The following GARRE1 variants were observed in gnomAD, a reference collection of about 807,000 sequenced individuals.
GARRE1 encodes the protein granule associated Rac and RHOG effector 1.
In GARRE1, 49 loss-of-function variants were observed where a neutral mutation model predicts 103.2. The ratio of observed to expected loss-of-function variants is 0.47; its 90% CI spans 0.38 to 0.60. GARRE1 has a LOEUF of 0.60. Among genes scored for constraint, GARRE1 ranks in the 20% least tolerant of loss-of-function variants. The pLI, the probability that GARRE1 is intolerant of heterozygous loss-of-function variation, is 0.00. For synonymous variants in GARRE1, 505 were observed against 532.8 expected, an observed-to-expected ratio of 0.95 and a Z score of 0.72; for missense variants, 1,199 against 1,370.5, an observed-to-expected ratio of 0.87 and a Z score of 1.98.
chr19:34,327,386 C>G (rs2074116456), intron 3 of GARRE1, 35 bp from the exon 4 acceptor site: 2 of 1,606,348 alleles, frequency 1.2e-6, no homozygotes, highest in African/African-American at 2.7e-5. Context: ...ACTGTACCAC[C>G]CTCTTTTACC....
intron 2 of GARRE1, among the ~76,000 whole-genome samples, chr19:34,317,667 A>G (rs2074066290): frequency 1.3e-5 from 2 of 152,240 alleles, no homozygotes; most frequent in African/African-American, 2.4e-5. Flanking sequence ...CACTTGAGTC[A>G]GGTGACTGGT....
At chr19:34,299,231 G>A (rs991111834) in intron 1 of GARRE1, among the ~76,000 whole-genome samples, 8 of 151,994 alleles carry the variant, frequency 5.3e-5, no homozygotes, top group Non-Finnish European at 7.4e-5. Flanking sequence ...TATTTTTTTC[G>A]TAACAACCTT....
intron 2 of GARRE1, among the ~76,000 whole-genome samples, chr19:34,303,910 C>T (rs945917902): frequency 5.9e-5 from 9 of 152,126 alleles, no homozygotes; most frequent in African/African-American, 2.2e-4. Flanking sequence ...AGCCACCGCT[C>T]CCGGCCTTGT....
chr19:34,327,383 C>T, intron 3 of GARRE1, 38 bp from the exon 4 acceptor site: 1 of 1,604,328 alleles, frequency 6.2e-7, no homozygotes, highest in Non-Finnish European at 8.5e-7. Context: ...AGAACTGTAC[C>T]ACCCTCTTTT....
At chr19:34,337,977 TTCTC>T (rs2074168674) in intron 8 of GARRE1, among the ~76,000 whole-genome samples, 1 of 152,182 alleles carries the variant, frequency 6.6e-6, no homozygotes, top group Non-Finnish European at 1.5e-5. Flanking sequence ...GCTGCCAAGA[TTCTC>T]TCTGAGGAGT....
rs796910131 is a variant in GARRE1, at chr19:34,261,648, C to T, written c.-796+7034C>T. Among the ~76,000 whole-genome samples the T allele has an allele frequency of 2.2e-4, 33 of 152,154 alleles. 1 individual carries two copies. Among genetic ancestry groups the T allele is most frequent in the African/African-American group, 6.5e-4 (27 of 41,504 alleles). Reference sequence around the variant, plus strand: ...ACAGCAAGAGGGGAGGACTCTTGGGCAGGGGCATGACACGTCCAAAGGTGT... The same window carrying T: ...ACAGCAAGAGGGGAGGACTCTTGGGTAGGGGCATGACACGTCCAAAGGTGT... On this transcript the variant is annotated intron_variant, in intron 1 of 13. Transcript: ENST00000299505.
chr19:34,329,968 C>T (rs1398662683), intron 6 of GARRE1, among the ~76,000 whole-genome samples: 1 of 152,124 alleles, frequency 6.6e-6, no homozygotes, highest in East Asian at 1.9e-4. Context: ...TGTGTGGTCC[C>T]AGCTACTGGG....
rs533257076 is a variant in GARRE1, at chr19:34,335,038, G to A, written c.1361+1237G>A. On this transcript the variant is annotated intron_variant, in intron 8 of 13. Transcript: ENST00000299505. Reference sequence around the variant, plus strand: ...AGCCTGGGTGACAGAGCGAGACTCCGTCTCCAAGAAAAAAAAAAAAACCGT... The same window carrying A: ...AGCCTGGGTGACAGAGCGAGACTCCATCTCCAAGAAAAAAAAAAAAACCGT... 1.3e-4 allele frequency among the ~76,000 whole-genome samples: 20 copies of A among 150,680 alleles called. No individual in the cohort carries two copies. The East Asian group carries it at 2.1e-3, about 16-fold the overall frequency.
chr19:34,335,239 A>G (rs2074155791), intron 8 of GARRE1, among the ~76,000 whole-genome samples: 1 of 152,226 alleles, frequency 6.6e-6, no homozygotes, highest in Admixed American at 6.5e-5. Flanking sequence ...AATAAGGGAT[A>G]TGACCTCAAC....
intron 1 of GARRE1, among the ~76,000 whole-genome samples, chr19:34,289,656 A>C (rs914836413): frequency 6.7e-6 from 1 of 149,694 alleles, no homozygotes; most frequent in African/African-American, 2.5e-5. Context: ...CCCAGGAGGC[A>C]GAGGTTGCAG....
intron 8 of GARRE1, 135 bp downstream of exon 8, chr19:34,333,936 C>A: frequency 1.5e-6 from 1 of 672,572 alleles, no homozygotes; most frequent in South Asian, 1.7e-5. Context: ...GGTTTATGGG[C>A]AGCAGTGGTA....
rs762079871 is a variant in GARRE1 at position 34,341,560 on chromosome 19, G to A, written c.1626G>A (p.Arg542=). ...AGACATTCTCCAAACTGACATCCCG[G>A]TTCACCAAGAAAGCTTCATGTACCA... ...LQKTFSKLTS[R]FTKKASCTSS... The change falls in exon 10 of 14, where the codon CGG becomes CGA. Residue 542 remains arginine, a synonymous_variant. Transcript: ENST00000299505. 2 of 1,614,072 alleles carry A rather than the reference G, an allele frequency of 1.2e-6. No homozygotes were observed. Among genetic ancestry groups the A allele is most frequent in the South Asian group, 1.1e-5 (1 of 91,078 alleles).
In GARRE1 at chr19:34,352,952, C is replaced by T. The variant is rs1290391395; in HGVS notation, c.3210C>T (p.Tyr1070=). ...GERRPAYLPQ[Y] ...GCAGGCCAGCCTATCTGCCCCAGTA[C>T]TGACCCCAGGCCAGCCAGCCTGCCT... is the stretch of plus-strand genomic sequence containing the variant. Residue 1070 remains tyrosine (Y), a synonymous_variant, in exon 14 of 14, where the codon TAC becomes TAT. Transcript: ENST00000299505. The T allele has an allele frequency of 2.0e-6, 3 of 1,510,700 alleles. No individual in the cohort carries two copies. The highest frequency in any genetic ancestry group is 2.5e-5 in the South Asian group (2 of 81,118). The allele number at this position is 1,510,700 out of a possible 1,614,324, so 93.6% of individuals were successfully genotyped here.
intron 2 of GARRE1, among the ~76,000 whole-genome samples, chr19:34,307,815 T>TATATA (rs376893482): frequency 2.1e-5 from 2 of 96,668 alleles, no homozygotes; most frequent in African/African-American, 4.4e-5. Context: ...TATATATATA[T>TATATA]TTTTTTTTTT....
At chr19:34,348,243 T>C (rs531402188) in intron 11 of GARRE1, 5 of 415,524 alleles carry the variant, frequency 1.2e-5, no homozygotes, top group Non-Finnish European at 2.1e-5. Flanking sequence ...TAGTGTGATG[T>C]ATCCCTGTGA....
chr19:34,326,328 A>C (rs1299686242), intron 3 of GARRE1, among the ~76,000 whole-genome samples: 3 of 152,240 alleles, frequency 2.0e-5, no homozygotes, highest in African/African-American at 7.2e-5. Flanking sequence ...ACAAAAGCTA[A>C]CTGCTAAAAA....
chr19:34,349,054 ACT>A lies in GARRE1; in HGVS notation c.2729_2730del (p.Ser910CysfsTer5). ...GGTGGCTGGTCGGGTGCTCAGGGAG[ACT>A]CTGCCAGCTCGAGTGATGAGACATC... On this transcript the variant is annotated frameshift_variant, in exon 12 of 14. Transcript: ENST00000299505. LOFTEE classifies it high-confidence loss of function. 1.9e-6 allele frequency: 3 copies of A among 1,611,828 alleles called. No homozygotes were observed. The highest frequency in any genetic ancestry group is 2.5e-6 in the Non-Finnish European group (3 of 1,179,928).
intron 1 of GARRE1, among the ~76,000 whole-genome samples, chr19:34,286,641 A>G (rs1478177836): frequency 6.6e-6 from 1 of 150,676 alleles, no homozygotes; most frequent in East Asian, 2.0e-4. Flanking sequence ...AGCTGGGACT[A>G]CAGGCGCCCG....
chr19:34,342,622 T>A (rs2074192225), intron 10 of GARRE1, among the ~76,000 whole-genome samples, 167 bp downstream of exon 10: 1 of 152,102 alleles, frequency 6.6e-6, no homozygotes, highest in Admixed American at 6.5e-5. Context: ...TCTACCAAGA[T>A]GGGAAACAGT....
Sources: allele counts gnomAD v4.1 joint callset (sites outside exome capture counted in the v4.1 genomes callset), GRCh38; gene constraint gnomAD v4.1.1; transcripts MANE v1.5; gene names NCBI Gene and HGNC (gene_info 2026-07-23, HGNC 2026-07-21).